The following CAV1 variants were observed in gnomAD, a reference collection of about 807,000 sequenced individuals.
CAV1 encodes the protein caveolin-1.
A neutral mutation model predicts 16.5 loss-of-function variants in CAV1; 10 were observed. That is an observed-to-expected ratio of 0.61 (90% CI 0.37 to 1.03). The LOEUF (loss-of-function observed/expected upper bound fraction) is 1.03, where lower values mean the gene tolerates loss of function less well. CAV1 is among the 50% of genes least tolerant of loss of function. The pLI is 0.01. For synonymous variants in CAV1, 76 were observed against 85.1 expected (o/e 0.89, Z 0.59); for missense variants, 212 against 232.8 (o/e 0.91, Z 0.58).
intron 2 of CAV1, among the ~76,000 whole-genome samples, chr7:116,556,503 C>A (rs77961304): frequency 0.019 from 2,867 of 152,174 alleles, 40 homozygotes; most frequent in Middle Eastern, 0.031. Flanking sequence ...TCTCTTTTAC[C>A]TGGACAACTC....
intron 2 of CAV1, among the ~76,000 whole-genome samples, chr7:116,558,094 A>C (rs184638253): frequency 6.6e-6 from 1 of 152,118 alleles, no homozygotes; most frequent in Non-Finnish European, 1.5e-5. Context: ...CTCCCACCTC[A>C]TGAAGCCTTC....
rs1562826754 is a variant in CAV1, at chr7:116,526,578, C to A, written c.84C>A (p.Asn28Lys). 6 of 1,614,166 alleles carry A rather than the reference C, an allele frequency of 3.7e-6. No individual in the cohort carries two copies. In the South Asian group the frequency reaches 5.5e-5, roughly 15 times the overall value. The change falls in exon 2 of 3, where the codon AAC becomes AAA. Residue 28 changes from asparagine (N) to lysine (K), a missense_variant. Asn to Lys is a moderately conservative substitution (Grantham distance 94). Coordinates refer to ENST00000341049, the MANE Select transcript of CAV1 (RefSeq NM_001753.5). ...IREQGNIYKP[N>K]NKAMADELSE... ...AACAGGGCAACATCTACAAGCCCAA[C>A]AACAAGGCCATGGCAGACGAGCTGA...
chr7:116,553,142 A>G (rs1794197080), intron 2 of CAV1, among the ~76,000 whole-genome samples: 1 of 152,206 alleles, frequency 6.6e-6, no homozygotes, highest in African/African-American at 2.4e-5. Context: ...CTTATTCAAA[A>G]TAAAATGTCC....
At chr7:116,535,058 G>A (rs946524915) in intron 2 of CAV1, among the ~76,000 whole-genome samples, 6 of 152,162 alleles carry the variant, frequency 3.9e-5, no homozygotes, top group African/African-American at 9.7e-5. Context: ...GCCTCAGAGT[G>A]ACCTAGGAAT....
At chr7:116,525,879 G>A in intron 1 of CAV1, 1 of 975,120 alleles carries the variant, frequency 1.0e-6, no homozygotes, top group Non-Finnish European at 1.2e-6. Context: ...TCGGGATTGT[G>A]ATCATCACGG....
intron 2 of CAV1, among the ~76,000 whole-genome samples, chr7:116,553,942 T>C (rs1272072173): frequency 6.6e-6 from 1 of 152,190 alleles, no homozygotes; most frequent in Non-Finnish European, 1.5e-5. Flanking sequence ...GCAGCTAGAC[T>C]GATCAAGGAT....
chr7:116,525,294 G>A, intron 1 of CAV1: 1 of 1,558,360 alleles, frequency 6.4e-7, no homozygotes, highest in Non-Finnish European at 8.7e-7. Context: ...TTTCCTAATG[G>A]AGAGGGGGCC....
At chr7:116,550,373 C>T (rs1794134169) in intron 2 of CAV1, among the ~76,000 whole-genome samples, 1 of 152,202 alleles carries the variant, frequency 6.6e-6, no homozygotes, top group African/African-American at 2.4e-5. Flanking sequence ...CAGAGGTTTA[C>T]ATTTTTCCCA....
At chr7:116,546,323 G>A (rs948645017) in intron 2 of CAV1, among the ~76,000 whole-genome samples, 3 of 152,206 alleles carry the variant, frequency 2.0e-5, no homozygotes, top group South Asian at 2.1e-4. Flanking sequence ...AGATGGCTCC[G>A]GGTTCCCTCA....
chr7:116,548,794 G>A (rs913840065), intron 2 of CAV1, among the ~76,000 whole-genome samples: 29 of 152,180 alleles, frequency 1.9e-4, no homozygotes, highest in African/African-American at 6.0e-4. Context: ...AAAATGGGGG[G>A]AAATAATACC....
At chr7:116,546,279 T>G (rs1405144965) in intron 2 of CAV1, among the ~76,000 whole-genome samples, 1 of 152,152 alleles carries the variant, frequency 6.6e-6, no homozygotes, top group African/African-American at 2.4e-5. Context: ...ATGTTTTTTG[T>G]GATAATGAAC....
At chr7:116,525,482 A>G in intron 1 of CAV1, 1 of 1,301,310 alleles carries the variant, frequency 7.7e-7, no homozygotes, top group South Asian at 1.5e-5. Context: ...TGGAGGTGTT[A>G]TTTACCCGAG....
chr7:116,526,752 A>T, intron 2 of CAV1, 63 bp downstream of exon 2: 1 of 1,592,496 alleles, frequency 6.3e-7, no homozygotes, highest in Middle Eastern at 1.7e-4. Flanking sequence ...TAGCCCGTGC[A>T]TCCTTCTTTA....
intron 2 of CAV1, among the ~76,000 whole-genome samples, chr7:116,546,703 A>AAAAAAAATAAAAAAT (rs1554356443): frequency 2.5e-5 from 3 of 118,034 alleles, no homozygotes; most frequent in Admixed American, 8.1e-5. Flanking sequence ...GTCACAAAAA[A>AAAAAAAATAAAAAAT]AAAAAAAAAA....
At chr7:116,534,364 T>G (rs867910153) in intron 2 of CAV1, among the ~76,000 whole-genome samples, 143 of 14,056 alleles carry the variant, frequency 0.01, no homozygotes, top group Non-Finnish European at 0.019. Context: ...CCACCTCAGA[T>G]ATATATATAT....
intron 2 of CAV1, among the ~76,000 whole-genome samples, chr7:116,557,408 C>T (rs1794312661): frequency 6.6e-6 from 1 of 152,184 alleles, no homozygotes; most frequent in East Asian, 1.9e-4. Flanking sequence ...TCGCTGCTGT[C>T]AGTCATCCAC....
intron 2 of CAV1, among the ~76,000 whole-genome samples, chr7:116,538,813 G>A (rs1415621299): frequency 6.6e-6 from 1 of 152,176 alleles, no homozygotes; most frequent in Non-Finnish European, 1.5e-5. Flanking sequence ...TCACAATCAT[G>A]GAGGAAGGTG....
chr7:116,525,996 C>A (rs932125779), intron 1 of CAV1: 1 of 255,572 alleles, frequency 3.9e-6, no homozygotes, highest in Non-Finnish European at 6.2e-6. Context: ...ATAAAGGGAA[C>A]ATTCCACGGG....
At chr7:116,525,709 C>T (rs996171153) in intron 1 of CAV1, 5 of 1,070,414 alleles carry the variant, frequency 4.7e-6, no homozygotes, top group Non-Finnish European at 4.6e-6. Flanking sequence ...GAGCTCTGCC[C>T]GGGTGTGGAA....
Sources: gnomAD v4.1 joint callset for allele counts (sites outside exome capture counted in the v4.1 genomes callset) on GRCh38, gnomAD v4.1.1 for gene constraint, MANE v1.5 for transcripts, NCBI Gene and HGNC (gene_info 2026-07-23, HGNC 2026-07-21) for gene names.